ACCS: variants seen among roughly 807,000 people sequenced by gnomAD.
ACCS encodes 1-aminocyclopropane-1-carboxylate synthase-like protein 1.
Under a neutral mutation model 59.8 loss-of-function variants are expected in ACCS, and 42 were observed. The observed-to-expected ratio is 0.70, with a 90% confidence interval of 0.55 to 0.91. The LOEUF is 0.91. ACCS is among the 40% of genes least tolerant of loss of function. The pLI, the probability that ACCS is intolerant of heterozygous loss-of-function variation, is 0.00. For missense variants in ACCS, 602 were observed against 630.4 expected (o/e 0.95, Z 0.48); for synonymous variants, 230 against 240.3 (o/e 0.96, Z 0.40).
At chr11:44,078,417 T>C (rs1052231122) in intron 8 of ACCS, 1 of 425,894 alleles carries the variant, frequency 2.3e-6, no homozygotes, top group Non-Finnish European at 4.2e-6. Context: ...CTGTAGGAAT[T>C]TTGAAAGTGC....
intron 6 of ACCS, among the ~76,000 whole-genome samples, chr11:44,076,739 G>A (rs1014443809): frequency 6.6e-6 from 1 of 152,238 alleles, no homozygotes; most frequent in Non-Finnish European, 1.5e-5. Context: ...AAAGGGGGCT[G>A]TATTAGTCTG....
intron 5 of ACCS, among the ~76,000 whole-genome samples, chr11:44,075,076 G>T (rs1953288492): frequency 6.6e-6 from 1 of 151,972 alleles, no homozygotes; most frequent in African/African-American, 2.4e-5. Flanking sequence ...TGCCCGCCTT[G>T]ACCTCCCAAA....
chr11:44,077,918 C>A lies in ACCS; in HGVS notation c.728C>A (p.Ser243Tyr). 2 of 1,613,812 alleles carry A rather than the reference C, an allele frequency of 1.2e-6. No individual in the cohort carries two copies. The highest frequency in any genetic ancestry group is 8.5e-7 in the Non-Finnish European group (1 of 1,179,860). The part of the protein sequence containing the change: ...KLEMALREAH[S>Y]EGVKVKGLIL... ...GAGATGGCCCTGAGAGAAGCTCACT[C>A]TGAGGTCTGGGGATCAAATCAAACC... Residue 243 changes from serine to tyrosine, a missense_variant, in exon 8 of 15, where the codon TCT becomes TAT. Physicochemically the swap from Ser to Tyr is moderately radical, Grantham distance 144. Transcript: ENST00000263776.
At chr11:44,071,188 G>A in intron 2 of ACCS, 68 bp from the exon 3 acceptor site, 2 of 1,556,996 alleles carry the variant, frequency 1.3e-6, no homozygotes, top group Non-Finnish European at 1.8e-6. Flanking sequence ...TGCCTCCATG[G>A]GCTCCTGGGG....
At chr11:44,080,858 T>C in intron 10 of ACCS, 162 bp from the exon 11 acceptor site, 1 of 806,826 alleles carries the variant, frequency 1.2e-6, no homozygotes, top group Non-Finnish European at 2.0e-6. Flanking sequence ...TAACCCCTGC[T>C]CTAAAGGATG....
intron 3 of ACCS, chr11:44,071,553 G>GC: frequency 2.1e-6 from 1 of 472,506 alleles, no homozygotes; most frequent in Non-Finnish European, 3.8e-6. Context: ...CCCTCCTGCT[G>GC]TGTTGGGTCC....
intron 5 of ACCS, 35 bp from the exon 6 acceptor site, chr11:44,075,491 G>C: frequency 3.7e-6 from 6 of 1,609,046 alleles, no homozygotes; most frequent in Non-Finnish European, 4.3e-6. Flanking sequence ...TCCTGGAACT[G>C]GTTCATCTTC....
intron 5 of ACCS, 69 bp downstream of exon 5, chr11:44,074,750 T>TTC (rs1554993132): frequency 2.8e-6 from 1 of 357,468 alleles, no homozygotes. Context: ...CTTTCTTTCT[T>TTC]TCTTTCTTTC....
intron 5 of ACCS, 51 bp downstream of exon 5, chr11:44,074,732 A>G: frequency 2.3e-6 from 2 of 851,600 alleles, no homozygotes; most frequent in East Asian, 3.5e-5. Context: ...TCCCCTCTCC[A>G]TCTCTTTCTT....
chr11:44,079,339 T>C (rs1953529115), intron 9 of ACCS, 192 bp from the exon 10 acceptor site: 1 of 565,834 alleles, frequency 1.8e-6, no homozygotes, highest in Admixed American at 3.1e-5. Context: ...AGCTCCTCTG[T>C]CACCTGCTCT....
intron 4 of ACCS, among the ~76,000 whole-genome samples, chr11:44,073,931 A>G (rs935674620): frequency 2.0e-5 from 3 of 152,158 alleles, no homozygotes; most frequent in South Asian, 2.1e-4. Context: ...CCTAATGCTA[A>G]GAGGGGAGGT....
chr11:44,079,667 C>T (rs1447555048), intron 10 of ACCS, 47 bp downstream of exon 10: 16 of 1,544,726 alleles, frequency 1.0e-5, no homozygotes, highest in Middle Eastern at 1.9e-4. Context: ...TATTATCCCA[C>T]GGAGCCCTGG....
At chr11:44,083,077 C>T (rs1471185094) in intron 12 of ACCS, 92 bp from the exon 13 acceptor site, 3 of 1,528,810 alleles carry the variant, frequency 2.0e-6, no homozygotes, top group Non-Finnish European at 2.7e-6. Flanking sequence ...ATCCTGGCAG[C>T]TTGTGGCCTT....
intron 2 of ACCS, among the ~76,000 whole-genome samples, chr11:44,070,113 G>T (rs993276345): frequency 6.6e-6 from 1 of 152,164 alleles, no homozygotes; most frequent in Non-Finnish European, 1.5e-5. Flanking sequence ...AGGATGGGGT[G>T]GTGGAGGTGA....
Position 44,083,677 on chromosome 11 carries a change from C to T in ACCS, c.1409-18C>T, listed in dbSNP as rs1385094610. ...CGTGGCCATCAGTGCCAACTGGCCC[C>T]TCACTTCCCCTTCCCAGGGATGCAG... On this transcript the variant is annotated intron_variant, in intron 14 of 14. Coordinates refer to ENST00000263776, the MANE Select transcript of ACCS (RefSeq NM_032592.4). 1 of 1,614,090 alleles carries T rather than the reference C, an allele frequency of 6.2e-7. No individual in the cohort carries two copies. Among genetic ancestry groups the T allele is most frequent in the South Asian group, 1.1e-5 (1 of 91,084 alleles).
At chr11:44,067,018 G>A (rs1565166359) in intron 1 of ACCS, 1 of 153,842 alleles carries the variant, frequency 6.5e-6, no homozygotes. Context: ...CTGGCTTAGA[G>A]AAGTGAAGGA....
At chr11:44,071,392 G>C (rs1953044300) in intron 3 of ACCS, 77 bp downstream of exon 3, 8 of 1,544,128 alleles carry the variant, frequency 5.2e-6, no homozygotes, top group Admixed American at 5.0e-5. Flanking sequence ...CCCAACAGGA[G>C]CCTGCTGCTT....
chr11:44,067,054 C>T (rs1439670516), intron 1 of ACCS: 1 of 154,550 alleles, frequency 6.5e-6, no homozygotes, highest in Non-Finnish European at 1.4e-5. Context: ...CAGGAGTAGA[C>T]CACCCTCTCC....
chr11:44,081,449 C>T, intron 12 of ACCS, 129 bp downstream of exon 12: 2 of 1,407,040 alleles, frequency 1.4e-6, no homozygotes, highest in Non-Finnish European at 1.9e-6. Context: ...CAGCTCTGAG[C>T]CCCGACTGGG....
Sources: allele counts gnomAD v4.1 joint callset (sites outside exome capture counted in the v4.1 genomes callset), GRCh38; gene constraint gnomAD v4.1.1; transcripts MANE v1.5; gene names NCBI Gene and HGNC (gene_info 2026-07-23, HGNC 2026-07-21).